LARP1B: variants seen among roughly 807,000 people sequenced by gnomAD.
LARP1B encodes La ribonucleoprotein 1B.
A neutral mutation model predicts 114.2 loss-of-function variants in LARP1B; 76 were observed. The ratio of observed to expected loss-of-function variants is 0.67; its 90% CI spans 0.55 to 0.81. The LOEUF (loss-of-function observed/expected upper bound fraction) is 0.81. Among genes scored for constraint, LARP1B ranks in the 30% least tolerant of loss-of-function variants. The pLI, the probability that LARP1B is intolerant of heterozygous loss-of-function variation, is 0.00. For missense variants in LARP1B, 1,014 were observed against 1,075.8 expected, an observed-to-expected ratio of 0.94 and a Z score of 0.80; for synonymous variants, 345 against 348.0, an observed-to-expected ratio of 0.99 and a Z score of 0.10.
At chr4:128,170,175 A>G (rs1742953580) in intron 12 of LARP1B, among the ~76,000 whole-genome samples, 1 of 152,116 alleles carries the variant, frequency 6.6e-6, no homozygotes, top group African/African-American at 2.4e-5. Context: ...GCCAGAGAAC[A>G]TACTTTACAT....
At chr4:128,088,161 G>A (rs759226712) in intron 5 of LARP1B, among the ~76,000 whole-genome samples, 9 of 151,460 alleles carry the variant, frequency 5.9e-5, no homozygotes, top group Non-Finnish European at 1.2e-4. Context: ...TGCCACTGCA[G>A]CCTGGGTGAC....
At chr4:128,083,966 G>T (rs900048760) in intron 5 of LARP1B, among the ~76,000 whole-genome samples, 3 of 151,202 alleles carry the variant, frequency 2.0e-5, no homozygotes, top group Non-Finnish European at 4.4e-5. Context: ...CTGGGCGGAG[G>T]GTCTCCTCAC....
chr4:128,214,552 G>C (rs1363113261), downstream of LARP1B, among the ~76,000 whole-genome samples: 14 of 151,912 alleles, frequency 9.2e-5, no homozygotes, highest in South Asian at 2.1e-4. Context: ...TCACACGGCA[G>C]GGTATTCCAA....
intron 11 of LARP1B, among the ~76,000 whole-genome samples, chr4:128,134,284 A>C (rs1792551086): frequency 6.6e-6 from 1 of 152,126 alleles, no homozygotes; most frequent in African/African-American, 2.4e-5. Context: ...TACAGGTGTG[A>C]GCTACTGAAG....
intron 11 of LARP1B, among the ~76,000 whole-genome samples, chr4:128,124,626 G>A (rs1462181238): frequency 6.6e-6 from 1 of 152,152 alleles, no homozygotes; most frequent in Non-Finnish European, 1.5e-5. Flanking sequence ...ATTTTTAATA[G>A]ATCACTCTGG....
intron 11 of LARP1B, among the ~76,000 whole-genome samples, chr4:128,125,197 A>T (rs1285166404): frequency 6.6e-6 from 1 of 152,150 alleles, no homozygotes; most frequent in Non-Finnish European, 1.5e-5. Flanking sequence ...CCTTTGTAGA[A>T]GCTACCCAAA....
At chr4:128,199,639 T>A (rs1240613675) in intron 16 of LARP1B, 40 bp downstream of exon 16, 2 of 1,071,046 alleles carry the variant, frequency 1.9e-6, no homozygotes, top group Non-Finnish European at 2.4e-6. Context: ...ATATTTAAAA[T>A]TAAAATATAA....
intron 5 of LARP1B, among the ~76,000 whole-genome samples, 157 bp downstream of exon 5, chr4:128,082,462 A>G (rs529958861): frequency 4.6e-5 from 7 of 152,370 alleles, no homozygotes; most frequent in African/African-American, 1.4e-4. Flanking sequence ...TAAGAACAAT[A>G]TAACCGTAAT....
At position 128,156,952 on chromosome 4, in the gene LARP1B, C is replaced by T. The variant is rs1047805673; in HGVS notation, c.1525-5242C>T. On this transcript the variant is annotated intron_variant, in intron 11 of 19. Coordinates refer to ENST00000326639, the MANE Select transcript of LARP1B (RefSeq NM_018078.4). ...TTTGGGTCTTCATTTCCCTCAGACT[C>T]ATCTGCCAGTTCCATCCTAAGCCTC... Among the ~76,000 whole-genome samples, 17 of 148,752 alleles carry T rather than the reference C, an allele frequency of 1.1e-4. 1 individual carries two copies. Among genetic ancestry groups the T allele is most frequent in the African/African-American group, 3.7e-4 (15 of 40,404 alleles).
chr4:128,088,667 A>G (rs1487497912), intron 5 of LARP1B, among the ~76,000 whole-genome samples: 1 of 152,224 alleles, frequency 6.6e-6, no homozygotes, highest in Non-Finnish European at 1.5e-5. Context: ...TGAAATCAGT[A>G]TATTGGTTCA....
chr4:128,188,752 ATC>A (rs1751207958), intron 15 of LARP1B, among the ~76,000 whole-genome samples: 1 of 152,122 alleles, frequency 6.6e-6, no homozygotes, highest in Non-Finnish European at 1.5e-5. Context: ...TTCTTTATTA[ATC>A]TGTTGATCAT....
chr4:128,134,834 A>G (rs555339400), intron 11 of LARP1B, among the ~76,000 whole-genome samples: 5 of 152,192 alleles, frequency 3.3e-5, no homozygotes, highest in South Asian at 4.1e-4. Context: ...GCTGGGCGCA[A>G]TGGCTCATGC....
At chr4:128,079,299 T>C (rs1230807115) in intron 4 of LARP1B, among the ~76,000 whole-genome samples, 3 of 151,996 alleles carry the variant, frequency 2.0e-5, no homozygotes, top group Non-Finnish European at 4.4e-5. Context: ...TTCACTGTGT[T>C]GCCCAGGCTG....
chr4:128,199,840 C>T (rs913781860), intron 16 of LARP1B, among the ~76,000 whole-genome samples: 1 of 152,168 alleles, frequency 6.6e-6, no homozygotes, highest in Non-Finnish European at 1.5e-5. Context: ...AATCTCAGCA[C>T]TTTGGGAGGC....
chr4:128,069,372 T>A (rs1764304583), intron 1 of LARP1B: 1 of 767,500 alleles, frequency 1.3e-6, no homozygotes, highest in Admixed American at 1.7e-5. Flanking sequence ...AACACCATGA[T>A]GGACAGGCTT....
intron 7 of LARP1B, among the ~76,000 whole-genome samples, chr4:128,092,428 A>G (rs1430357103): frequency 6.6e-6 from 1 of 152,194 alleles, no homozygotes; most frequent in Non-Finnish European, 1.5e-5. Flanking sequence ...TTTCTGAAAG[A>G]AAAAACAAAC....
chr4:128,106,337 T>C (rs1456827323), intron 8 of LARP1B, among the ~76,000 whole-genome samples: 2 of 152,352 alleles, frequency 1.3e-5, no homozygotes, highest in African/African-American at 4.8e-5. Flanking sequence ...CTTAATTATA[T>C]ACAGCATGTT....
intron 5 of LARP1B, among the ~76,000 whole-genome samples, chr4:128,083,579 C>T (rs1266402066): frequency 1.4e-5 from 2 of 146,638 alleles, no homozygotes; most frequent in East Asian, 4.1e-4. Context: ...GGGGCTGACC[C>T]CCCCACCTCC....
intron 7 of LARP1B, among the ~76,000 whole-genome samples, chr4:128,094,168 G>A (rs1227761412): frequency 3.3e-5 from 5 of 150,738 alleles, no homozygotes; most frequent in East Asian, 3.9e-4. Context: ...CTTGTGATCC[G>A]CCGTCCTCGG....
Sources: allele counts gnomAD v4.1 joint callset (sites outside exome capture counted in the v4.1 genomes callset), GRCh38; gene constraint gnomAD v4.1.1; transcripts MANE v1.5; gene names NCBI Gene and HGNC (gene_info 2026-07-23, HGNC 2026-07-21).